The following TNIK variants were observed in gnomAD, a reference collection of about 807,000 sequenced individuals.
TNIK encodes TRAF2 and NCK-interacting protein kinase.
Under a neutral mutation model 191.3 loss-of-function variants are expected in TNIK, and 49 were observed. The observed-to-expected ratio is 0.26, with a 90% confidence interval of 0.20 to 0.32. The LOEUF (loss-of-function observed/expected upper bound fraction) is 0.32, where lower values mean the gene tolerates loss of function less well. Ranked by LOEUF, TNIK falls within the 10% of genes least tolerant of loss-of-function variation. TNIK has a pLI of 1.00. For synonymous variants in TNIK, 594 were observed against 600.9 expected, an observed-to-expected ratio of 0.99 and a Z score of 0.17; for missense variants, 1,155 against 1,702.3, an observed-to-expected ratio of 0.68 and a Z score of 5.66.
intron 2 of TNIK, among the ~76,000 whole-genome samples, chr3:171,244,078 T>TTTTA (rs1553867258): frequency 1.3e-5 from 2 of 149,022 alleles, no homozygotes; most frequent in East Asian, 1.9e-4. Flanking sequence ...TTTTTTTTTT[T>TTTTA]AAGACAGAGT....
At chr3:171,210,837 G>T (rs1577131085) in intron 4 of TNIK, among the ~76,000 whole-genome samples, 1 of 136,354 alleles carries the variant, frequency 7.3e-6, no homozygotes, top group African/African-American at 2.8e-5. Context: ...CACAATAAAA[G>T]GTTGTCAATT....
intron 2 of TNIK, among the ~76,000 whole-genome samples, chr3:171,236,050 C>T (rs1304315435): frequency 6.6e-6 from 1 of 152,184 alleles, no homozygotes; most frequent in Admixed American, 6.5e-5. Context: ...ATGGCTGCTA[C>T]ATACTAGAAC....
chr3:171,424,418 G>A (rs1019385837), intron 1 of TNIK, among the ~76,000 whole-genome samples: 5 of 152,110 alleles, frequency 3.3e-5, no homozygotes, highest in African/African-American at 7.2e-5. Flanking sequence ...GGTGGAAGTC[G>A]GTGTGGCAAT....
At chr3:171,085,482 GACC>G (rs1460038082) in intron 24 of TNIK, among the ~76,000 whole-genome samples, 2 of 152,144 alleles carry the variant, frequency 1.3e-5, no homozygotes, top group Non-Finnish European at 2.9e-5. Context: ...TTACATTTTG[GACC>G]ACATGTGGCA....
At chr3:171,265,846 C>T (rs180677644) in intron 2 of TNIK, among the ~76,000 whole-genome samples, 1 of 146,754 alleles carries the variant, frequency 6.8e-6, no homozygotes, top group Admixed American at 6.8e-5. Flanking sequence ...TTTAAATAAG[C>T]ATTATTTTTT....
At chr3:171,214,603 G>C (rs1319396356) in intron 3 of TNIK, among the ~76,000 whole-genome samples, 1 of 152,134 alleles carries the variant, frequency 6.6e-6, no homozygotes, top group East Asian at 1.9e-4. Context: ...ATAAACTAAT[G>C]ACCACTGGGC....
At chr3:171,075,274 A>G (rs1463722495) in intron 28 of TNIK, among the ~76,000 whole-genome samples, 7 of 152,208 alleles carry the variant, frequency 4.6e-5, no homozygotes, top group African/African-American at 9.6e-5. Context: ...AATTGTTTCT[A>G]TTGCTTTCCC....
chr3:171,362,902 G>T (rs1235760992), intron 2 of TNIK, among the ~76,000 whole-genome samples: 1 of 152,112 alleles, frequency 6.6e-6, no homozygotes, highest in Non-Finnish European at 1.5e-5. Flanking sequence ...AAGCCTCTAA[G>T]CTTTTTCCAA....
At chr3:171,129,194 A>C (rs1054251135) in intron 15 of TNIK, among the ~76,000 whole-genome samples, 2 of 152,184 alleles carry the variant, frequency 1.3e-5, no homozygotes, top group African/African-American at 4.8e-5. Flanking sequence ...GATTGGTCGC[A>C]ATGCCATGGG....
chr3:171,347,763 G>A (rs980296315), intron 2 of TNIK, among the ~76,000 whole-genome samples: 1 of 151,796 alleles, frequency 6.6e-6, no homozygotes, highest in African/African-American at 2.4e-5. Flanking sequence ...AGTAATGAGA[G>A]GACAAAAGGG....
At chr3:171,402,756 G>C (rs181331677) in intron 1 of TNIK, among the ~76,000 whole-genome samples, 14 of 152,216 alleles carry the variant, frequency 9.2e-5, no homozygotes, top group African/African-American at 3.4e-4. Context: ...TTATTTATTA[G>C]TCCTTATGTT....
At position 171,217,981 on chromosome 3, in the gene TNIK, T is replaced by C. The variant is rs139836622; in HGVS notation, c.181-6740A>G. Reference sequence around the variant, plus strand: ...GCTTTTGGTGCCATAAAGAGAAAAATAAAAATTGTCTGCAAAAGACCTGGT... The same window carrying C: ...GCTTTTGGTGCCATAAAGAGAAAAACAAAAATTGTCTGCAAAAGACCTGGT... On this transcript the variant is annotated intron_variant, in intron 3 of 32. Transcript: ENST00000436636. Among the ~76,000 whole-genome samples the C allele has an allele frequency of 2.0e-3, 306 of 152,054 alleles. 7 individuals carry two copies. The highest frequency in any genetic ancestry group is 0.019 in the Admixed American group (295 of 15,246).
intron 18 of TNIK, among the ~76,000 whole-genome samples, chr3:171,112,217 TA>T (rs1725957592): frequency 1.3e-5 from 2 of 152,140 alleles, no homozygotes; most frequent in South Asian, 4.1e-4. Flanking sequence ...TCAGTAAAGC[TA>T]GGGGGGACAA....
intron 20 of TNIK, among the ~76,000 whole-genome samples, 169 bp from the exon 21 acceptor site, chr3:171,107,375 G>A (rs566252310): frequency 3.9e-5 from 6 of 151,990 alleles, no homozygotes; most frequent in African/African-American, 7.2e-5. Flanking sequence ...TATTACTCTC[G>A]GTATACGTCG....
At chr3:171,122,422 C>CA (rs1211321000) in intron 18 of TNIK, among the ~76,000 whole-genome samples, 1 of 152,150 alleles carries the variant, frequency 6.6e-6, no homozygotes, top group South Asian at 2.1e-4. Flanking sequence ...AGCTGCTTAG[C>CA]AATACCAGCT....
At chr3:171,231,310 T>C (rs1407732947) in intron 2 of TNIK, among the ~76,000 whole-genome samples, 1 of 143,648 alleles carries the variant, frequency 7.0e-6, no homozygotes, top group African/African-American at 3.0e-5. Context: ...GTTGTTGTTG[T>C]TGTTTTGTTT....
At chr3:171,190,351 A>G (rs1015736019) in intron 6 of TNIK, among the ~76,000 whole-genome samples, 4 of 152,184 alleles carry the variant, frequency 2.6e-5, no homozygotes, top group African/African-American at 9.6e-5. Context: ...ATGGAAAAAA[A>G]TTGGGTCCTA....
intron 2 of TNIK, among the ~76,000 whole-genome samples, chr3:171,245,352 T>C (rs1745473897): frequency 6.6e-6 from 1 of 152,198 alleles, no homozygotes; most frequent in African/African-American, 2.4e-5. Context: ...AAGACATTCA[T>C]AGCTTCAGGA....
chr3:171,361,762 G>A (rs1715008663), intron 2 of TNIK, among the ~76,000 whole-genome samples: 1 of 152,138 alleles, frequency 6.6e-6, no homozygotes, highest in Admixed American at 6.5e-5. Context: ...AATGACAATA[G>A]CAGTAATCAA....
Sources: gnomAD v4.1 joint callset for allele counts (sites outside exome capture counted in the v4.1 genomes callset) on GRCh38, gnomAD v4.1.1 for gene constraint, MANE v1.5 for transcripts, NCBI Gene and HGNC (gene_info 2026-07-23, HGNC 2026-07-21) for gene names.